The following ABHD12 variants were observed in gnomAD, a reference collection of about 807,000 sequenced individuals.
ABHD12 encodes lysophosphatidylserine lipase ABHD12.
ABHD12 carries 43 observed loss-of-function variants against 58.3 expected under a neutral mutation model. That is an observed-to-expected ratio of 0.74 (90% CI 0.58 to 0.95). The LOEUF is 0.95. Ranked by LOEUF, ABHD12 falls within the 40% of genes least tolerant of loss-of-function variation. ABHD12 has a pLI of 0.00. For synonymous variants in ABHD12, 219 were observed against 211.2 expected, an observed-to-expected ratio of 1.04 and a Z score of -0.32; for missense variants, 539 against 537.2, an observed-to-expected ratio of 1.00 and a Z score of -0.03.
At chr20:25,353,352 A>G (rs978248208) in intron 1 of ABHD12, among the ~76,000 whole-genome samples, 7 of 152,178 alleles carry the variant, frequency 4.6e-5, no homozygotes, top group South Asian at 2.1e-4. Context: ...AAATGAAAGT[A>G]AATAACTCAA....
rs116616751 is a variant in ABHD12, at chr20:25,352,635, C to T, written c.192-13284G>A. ...AGTGATAGGCTAAATGAAGGGACTG[C>T]TAATTAAGTGACTATCTGTATCTCT... On this transcript the variant is annotated intron_variant, in intron 1 of 12. Coordinates refer to ENST00000339157, the MANE Select transcript of ABHD12 (RefSeq NM_001042472.3). Among the ~76,000 whole-genome samples the T allele has an allele frequency of 5.3e-3, 801 of 152,272 alleles. 8 individuals are homozygous for T. Among genetic ancestry groups the T allele is most frequent in the African/African-American group, 0.017 (727 of 41,544 alleles).
At chr20:25,368,778 C>T (rs2089859880) in intron 1 of ABHD12, 1 of 811,658 alleles carries the variant, frequency 1.2e-6, no homozygotes, top group East Asian at 3.2e-5. Context: ...GCTGATAGTA[C>T]AGGGCTCCCA....
At chr20:25,382,961 C>T (rs753730267) in intron 1 of ABHD12, among the ~76,000 whole-genome samples, 4 of 152,120 alleles carry the variant, frequency 2.6e-5, no homozygotes, top group Non-Finnish European at 5.9e-5. Context: ...AGCTATGGCG[C>T]CATAAACAAA....
intron 1 of ABHD12, chr20:25,368,572 T>C (rs2089855980): frequency 7.1e-7 from 1 of 1,405,112 alleles, no homozygotes; most frequent in Non-Finnish European, 1.0e-6. Context: ...GGGTGTGAAG[T>C]CACCACCCTG....
At chr20:25,296,518 A>G (rs751476123), downstream of ABHD12, 1 of 1,612,734 alleles carries the variant, frequency 6.2e-7, no homozygotes, top group Admixed American at 1.7e-5. Flanking sequence ...ATCCCCCGGG[A>G]CTAGGCACAC....
Position 25,390,541 on chromosome 20 carries a change from C to A in ABHD12, c.163G>T (p.Asp55Tyr). The change falls in exon 1 of 13, where the codon GAC (aspartate) becomes TAC (tyrosine). Residue 55 changes from aspartate to tyrosine, a missense_variant. Transcript: ENST00000339157. ...CCCAGCGCCCGCTTCATTCCCGCGT[C>A]GGCTGCGCAGCGCGGCTCAGCCGCC... ...PAAAEPRCAA[D>Y]AGMKRALGRR... 3.4e-6 allele frequency: 5 copies of A among 1,452,160 alleles called. No individual in the cohort carries two copies. The highest frequency in any genetic ancestry group is 2.6e-5 in the South Asian group (2 of 78,194). 90.0% of individuals were successfully genotyped at this position (1,452,160 alleles called of 1,614,324 possible). A position where few individuals can be genotyped will look rare whatever the true frequency, so the allele number is the denominator to read the frequency against.
At chr20:25,327,622 G>A (rs528857616) in intron 2 of ABHD12, among the ~76,000 whole-genome samples, 1 of 152,262 alleles carries the variant, frequency 6.6e-6, no homozygotes, top group Admixed American at 6.5e-5. Flanking sequence ...ATTTTGGGAG[G>A]AACTTAGTTT....
intron 1 of ABHD12, among the ~76,000 whole-genome samples, chr20:25,387,946 CAGG>C (rs1320973876): frequency 6.8e-6 from 1 of 148,108 alleles, no homozygotes; most frequent in Non-Finnish European, 1.5e-5. Flanking sequence ...GAGGCTGGGG[CAGG>C]AGAATTGCTT....
chr20:25,390,368 A>T, intron 1 of ABHD12, 145 bp downstream of exon 1: 2 of 835,496 alleles, frequency 2.4e-6, no homozygotes, highest in Non-Finnish European at 1.6e-6. Flanking sequence ...CAAATGCGGG[A>T]CACAGGCGCG....
intron 1 of ABHD12, among the ~76,000 whole-genome samples, chr20:25,346,942 C>A (rs2089527566): frequency 6.6e-6 from 1 of 151,990 alleles, no homozygotes; most frequent in Non-Finnish European, 1.5e-5. Flanking sequence ...CTGCGCCCGG[C>A]CAAGTTTATT....
At chr20:25,349,830 T>A (rs2089574358) in intron 1 of ABHD12, among the ~76,000 whole-genome samples, 1 of 152,174 alleles carries the variant, frequency 6.6e-6, no homozygotes. Context: ...GGTGGTGATG[T>A]TTGCACAACA....
downstream of ABHD12, among the ~76,000 whole-genome samples, chr20:25,295,247 C>G (rs538315634): frequency 5.3e-5 from 8 of 152,370 alleles, no homozygotes; most frequent in African/African-American, 1.9e-4. Flanking sequence ...TGCCCCCTGC[C>G]CTGAGGCGGC....
At chr20:25,310,956 T>C (rs570779665) in intron 6 of ABHD12, among the ~76,000 whole-genome samples, 27 of 152,194 alleles carry the variant, frequency 1.8e-4, no homozygotes, top group Non-Finnish European at 3.8e-4. Context: ...AAGCCACTCA[T>C]TCTCCCTCTC....
rs956487064 is a variant in ABHD12 at position 25,300,737 on chromosome 20, C to T, written c.*108G>A. The T allele has an allele frequency of 3.1e-6, 5 of 1,592,510 alleles. No homozygotes were observed. The highest frequency in any genetic ancestry group is 1.8e-5 in the Admixed American group (1 of 56,906). ...TGCTCTCCAGGTGCGAGCTGGGCTC[C>T]TGAGCATTGCAGGTGCCGGCCCCCC... On this transcript the variant is annotated 3_prime_UTR_variant, in exon 13 of 13. Coordinates refer to ENST00000339157, the MANE Select transcript of ABHD12 (RefSeq NM_001042472.3).
chr20:25,311,393 A>G (rs1305041659), intron 6 of ABHD12, among the ~76,000 whole-genome samples: 1 of 152,214 alleles, frequency 6.6e-6, no homozygotes, highest in African/African-American at 2.4e-5. Context: ...GCAGCCAGGC[A>G]TTCTCCCTGA....
downstream of ABHD12, chr20:25,295,808 G>C: frequency 1.0e-6 from 1 of 971,126 alleles, no homozygotes; most frequent in East Asian, 2.6e-5. Flanking sequence ...TCTGTCATCA[G>C]TCGGCTGTGC....
At position 25,387,870 on chromosome 20, in the gene ABHD12, G is replaced by A. The variant is rs191556668; in HGVS notation, c.191+2643C>T. Among the ~76,000 whole-genome samples, 1,035 of 151,964 alleles carry A rather than the reference G, an allele frequency of 6.8e-3. 9 individuals are homozygous for A. Among genetic ancestry groups the A allele is most frequent in the Non-Finnish European group, 0.012 (799 of 67,952 alleles). Reference sequence around the variant, plus strand: ...AGCCTGGCCAACATGGTGAAACCCCGTCTCTACTAAAACTACAAAAGTTAG... The same window carrying A: ...AGCCTGGCCAACATGGTGAAACCCCATCTCTACTAAAACTACAAAAGTTAG... On this transcript the variant is annotated intron_variant, in intron 1 of 12. Transcript: ENST00000339157.
chr20:25,355,221 C>CTTAA (rs527491599), intron 1 of ABHD12, among the ~76,000 whole-genome samples: 304 of 152,290 alleles, frequency 2.0e-3, no homozygotes, highest in Admixed American at 3.7e-3. Flanking sequence ...CTGGACGACA[C>CTTAA]TTAATGCAGC....
intron 1 of ABHD12, among the ~76,000 whole-genome samples, chr20:25,349,014 G>A (rs1490297253): frequency 1.3e-5 from 2 of 151,506 alleles, no homozygotes; most frequent in Non-Finnish European, 2.9e-5. Flanking sequence ...ATCCTGGGAG[G>A]CGGAGCTTGC....
Sources: allele counts gnomAD v4.1 joint callset (sites outside exome capture counted in the v4.1 genomes callset), GRCh38; gene constraint gnomAD v4.1.1; transcripts MANE v1.5; gene names NCBI Gene and HGNC (gene_info 2026-07-23, HGNC 2026-07-21).